BPI: variants seen among roughly 807,000 people sequenced by gnomAD.
BPI encodes the protein bactericidal permeability-increasing protein.
BPI carries 48 observed loss-of-function variants against 57.6 expected under a neutral mutation model. The observed-to-expected ratio is 0.83, with a 90% confidence interval of 0.66 to 1.06. BPI has a LOEUF of 1.06. Ranked by LOEUF, BPI falls within the 50% of genes least tolerant of loss-of-function variation. The pLI is 0.00. For missense variants in BPI, 651 were observed against 609.7 expected (o/e 1.07, Z -0.71); for synonymous variants, 237 against 238.2 (o/e 0.99, Z 0.05).
In BPI at chr20:38,335,647, C is replaced by G. The variant is rs1306360072; in HGVS notation, c.1386C>G (p.Leu462=). ...FPLPTPARVQ[L]YNVVLQPHQN... ...TCCCGACGCCGGCCAGAGTCCAGCT[C>G]TACAACGTAGTGCTTCAGCCTCACC... The change falls in exon 14 of 15, where the codon CTC becomes CTG. Residue 462 remains leucine, a synonymous_variant. Coordinates refer to ENST00000642449, the MANE Select transcript of BPI (RefSeq NM_001725.3). 6.2e-7 allele frequency: 1 copy of G among 1,614,088 alleles called. No individual in the cohort carries two copies. Among genetic ancestry groups the G allele is most frequent in the Non-Finnish European group, 8.5e-7 (1 of 1,180,022 alleles).
At chr20:38,308,835 G>C in intron 2 of BPI, 95 bp from the exon 3 acceptor site, 1 of 1,493,820 alleles carries the variant, frequency 6.7e-7, no homozygotes, top group Non-Finnish European at 9.2e-7. Flanking sequence ...GGACCAGGTG[G>C]TGGGGGACGA....
At chr20:38,308,283 G>A (rs1258234724) in intron 2 of BPI, among the ~76,000 whole-genome samples, 3 of 152,272 alleles carry the variant, frequency 2.0e-5, no homozygotes, top group South Asian at 2.1e-4. Context: ...CTACTTGGCC[G>A]AGCCTAAGTT....
chr20:38,312,311 C>T (rs1433794704), intron 5 of BPI, among the ~76,000 whole-genome samples: 2 of 152,332 alleles, frequency 1.3e-5, no homozygotes, highest in South Asian at 2.1e-4. Flanking sequence ...TGATGCTCCC[C>T]ATTCAGAACA....
chr20:38,327,198 G>A (rs2076717731), intron 10 of BPI, among the ~76,000 whole-genome samples: 1 of 152,232 alleles, frequency 6.6e-6, no homozygotes, highest in South Asian at 2.1e-4. Flanking sequence ...TTTGCAGACA[G>A]AATAGGTCCT....
chr20:38,313,521 T>G lies in BPI; in HGVS notation c.600+1584T>G, dbSNP rs141181159. On this transcript the variant is annotated intron_variant, in intron 5 of 14. Coordinates refer to ENST00000642449, the MANE Select transcript of BPI (RefSeq NM_001725.3). Reference sequence around the variant, plus strand: ...GGCTAGCTCACCCACAGTTCAGCTGTCTGTATAATCAAGTAACAGTCTGAG... The same window carrying G: ...GGCTAGCTCACCCACAGTTCAGCTGGCTGTATAATCAAGTAACAGTCTGAG... Among the ~76,000 whole-genome samples the G allele has an allele frequency of 2.6e-5, 4 of 152,218 alleles. No individual in the cohort carries two copies. The East Asian group carries it at 7.7e-4, about 29-fold the overall frequency.
chr20:38,337,013 C>CGT, intron 14 of BPI, 133 bp from the exon 15 acceptor site: 1 of 594,854 alleles, frequency 1.7e-6, no homozygotes, highest in Non-Finnish European at 2.7e-6. Context: ...CACTGAGTGA[C>CGT]CCCCACTGGC....
At chr20:38,305,379 T>C (rs1313156796) in intron 1 of BPI, among the ~76,000 whole-genome samples, 1 of 152,180 alleles carries the variant, frequency 6.6e-6, no homozygotes, top group Admixed American at 6.5e-5. Context: ...AGTTTCCCCT[T>C]CTACCCAGGC....
intron 12 of BPI, among the ~76,000 whole-genome samples, chr20:38,331,971 C>T (rs1490291199): frequency 6.6e-6 from 1 of 152,074 alleles, no homozygotes; most frequent in Non-Finnish European, 1.5e-5. Flanking sequence ...GGGAGGGCCT[C>T]TCCGAGGAGG....
At chr20:38,319,607 C>A (rs370130744) in intron 6 of BPI, among the ~76,000 whole-genome samples, 36 of 152,332 alleles carry the variant, frequency 2.4e-4, no homozygotes, top group African/African-American at 6.0e-4. Flanking sequence ...GATTTCTGAG[C>A]CTTGGTTTCT....
intron 6 of BPI, chr20:38,319,824 G>T: frequency 4.8e-6 from 1 of 208,084 alleles, no homozygotes; most frequent in Non-Finnish European, 9.7e-6. Context: ...GCATCTGTGA[G>T]GTCACTAGGA....
intron 2 of BPI, 29 bp downstream of exon 2, chr20:38,307,710 T>C (rs373791501): frequency 4.5e-6 from 7 of 1,553,860 alleles, no homozygotes; most frequent in Non-Finnish European, 5.3e-6. Flanking sequence ...CAATCCTCGA[T>C]TTGCAGGACT....
rs535978563 is a variant in BPI at position 38,317,762 on chromosome 20, A to G, written c.601-651A>G. ...TGTAATTTGCCATGTTCCGTTTTAC[A>G]GATGAAGAAATAGAGGTCTAGATAA... On this transcript the variant is annotated intron_variant, in intron 5 of 14. Coordinates refer to ENST00000642449, the MANE Select transcript of BPI (RefSeq NM_001725.3). 43 of 1,306,292 alleles carry G rather than the reference A, an allele frequency of 3.3e-5. No individual in the cohort carries two copies. The South Asian group carries it at 5.3e-4, about 16-fold the overall frequency. The allele number at this position is 1,306,292 out of a possible 1,614,324, so 80.9% of individuals were successfully genotyped here. A position where few individuals can be genotyped will look rare whatever the true frequency, so the allele number is the denominator to read the frequency against.
At chr20:38,310,803 A>T in intron 4 of BPI, 151 bp downstream of exon 4, 1 of 969,290 alleles carries the variant, frequency 1.0e-6, no homozygotes, top group South Asian at 1.9e-5. Context: ...AGGGGCCCAC[A>T]GATGAACCAG....
intron 2 of BPI, 94 bp downstream of exon 2, chr20:38,307,775 TCA>T (rs1359629078): frequency 1.2e-5 from 12 of 1,008,842 alleles, no homozygotes; most frequent in South Asian, 1.5e-5. Flanking sequence ...ACTCCTCAAC[TCA>T]CAGAGTTTCA....
At chr20:38,304,382 C>G in intron 1 of BPI, 29 bp downstream of exon 1, 2 of 1,608,916 alleles carry the variant, frequency 1.2e-6, no homozygotes, top group Non-Finnish European at 1.7e-6. Context: ...TCCCTCCTCT[C>G]CACCCCTGAG....
intron 9 of BPI, among the ~76,000 whole-genome samples, chr20:38,325,051 G>A (rs1205724803): frequency 6.6e-6 from 1 of 152,210 alleles, no homozygotes; most frequent in Non-Finnish European, 1.5e-5. Flanking sequence ...AGGAGGTGGA[G>A]GGAGGGTCTT....
At chr20:38,328,605 A>G (rs77001343) in intron 11 of BPI, among the ~76,000 whole-genome samples, 1 of 152,056 alleles carries the variant, frequency 6.6e-6, no homozygotes, top group African/African-American at 2.4e-5. Flanking sequence ...TTGTGAGCTG[A>G]AATGAGGTAT....
At position 38,311,883 on chromosome 20, in the gene BPI, C is replaced by T; in HGVS notation, c.546C>T (p.Ile182=). 3 of 1,614,028 alleles carry T rather than the reference C, an allele frequency of 1.9e-6. No homozygotes were observed. The highest frequency in any genetic ancestry group is 1.7e-5 in the Admixed American group (1 of 60,010). Residue 182 remains isoleucine (I), a synonymous_variant, in exon 5 of 15, where the codon ATC becomes ATT. Coordinates refer to ENST00000642449, the MANE Select transcript of BPI (RefSeq NM_001725.3). ...ACTTGTTCATCTCTAGGTGGCTGAT[C>T]CAACTCTTCCACAAAAAAATTGAGT... ...HISKSKVGWL[I]QLFHKKIESA... is the part of the protein sequence containing the mutation.
intron 5 of BPI, among the ~76,000 whole-genome samples, chr20:38,316,000 T>C (rs1201989605): frequency 2.0e-5 from 3 of 151,906 alleles, no homozygotes; most frequent in African/African-American, 7.3e-5. Context: ...GCCTGGCTAA[T>C]TTTTGTATTT....
Sources: gnomAD v4.1 joint callset for allele counts (sites outside exome capture counted in the v4.1 genomes callset) on GRCh38, gnomAD v4.1.1 for gene constraint, MANE v1.5 for transcripts, NCBI Gene and HGNC (gene_info 2026-07-23, HGNC 2026-07-21) for gene names.